PARD3: variants seen among roughly 807,000 people sequenced by gnomAD.
PARD3 encodes partitioning defective 3 homolog.
PARD3 carries 75 observed loss-of-function variants against 155.4 expected under a neutral mutation model. The ratio of observed to expected loss-of-function variants is 0.48; its 90% CI spans 0.40 to 0.58. PARD3 has a LOEUF of 0.58. Among genes scored for constraint, PARD3 ranks in the 20% least tolerant of loss-of-function variants. The pLI is 0.00. For missense variants in PARD3, 1,642 were observed against 1,721.7 expected (o/e 0.95, Z 0.82); for synonymous variants, 576 against 610.5 (o/e 0.94, Z 0.83).
chr10:34,705,201 CGCCTG>C (rs2094344754), intron 1 of PARD3, among the ~76,000 whole-genome samples: 1 of 152,182 alleles, frequency 6.6e-6, no homozygotes, highest in Non-Finnish European at 1.5e-5. Flanking sequence ...CAGTAGCTCA[CGCCTG>C]TAATCCCAGC....
intron 20 of PARD3, among the ~76,000 whole-genome samples, chr10:34,316,307 T>C (rs748908621): frequency 1.5e-4 from 23 of 152,196 alleles, no homozygotes; most frequent in Non-Finnish European, 2.9e-4. Flanking sequence ...TCATCTTAGA[T>C]GAACTTTTAT....
intron 2 of PARD3, among the ~76,000 whole-genome samples, chr10:34,656,599 G>A (rs1270175581): frequency 6.6e-6 from 1 of 152,148 alleles, no homozygotes; most frequent in Non-Finnish European, 1.5e-5. Context: ...TTTGCTTATT[G>A]TTATGCTTTT....
At chr10:34,161,573 T>C (rs1430878652) in intron 22 of PARD3, among the ~76,000 whole-genome samples, 1 of 152,136 alleles carries the variant, frequency 6.6e-6, no homozygotes, top group East Asian at 1.9e-4. Flanking sequence ...GAAGAACCTC[T>C]AACTTCATTA....
intron 15 of PARD3, among the ~76,000 whole-genome samples, chr10:34,347,316 A>G (rs1241352693): frequency 6.6e-6 from 1 of 152,256 alleles, no homozygotes; most frequent in East Asian, 1.9e-4. Context: ...TGGATCTGTT[A>G]GTAGAAAGCT....
At chr10:34,664,523 G>A (rs2093403443) in intron 2 of PARD3, among the ~76,000 whole-genome samples, 2 of 148,600 alleles carry the variant, frequency 1.3e-5, no homozygotes, top group African/African-American at 5.0e-5. Context: ...GTGTCTCCCT[G>A]TGTTGCCCGG....
At chr10:34,345,551 T>A (rs564419797) in intron 15 of PARD3, 2 of 985,308 alleles carry the variant, frequency 2.0e-6, no homozygotes, top group African/African-American at 3.5e-5. Context: ...CCAAACAGTC[T>A]GAGGAATATC....
chr10:34,200,286 C>A (rs1951150451), intron 22 of PARD3, among the ~76,000 whole-genome samples: 1 of 152,078 alleles, frequency 6.6e-6, no homozygotes, highest in East Asian at 1.9e-4. Flanking sequence ...TAGAGCAAGA[C>A]CCGAGACTGC....
At chr10:34,221,018 C>A (rs567733303) in intron 22 of PARD3, among the ~76,000 whole-genome samples, 1 of 152,290 alleles carries the variant, frequency 6.6e-6, no homozygotes, top group African/African-American at 2.4e-5. Context: ...GCAGTGCCAT[C>A]CCCAATATCT....
At chr10:34,724,096 G>C (rs1192490583) in intron 1 of PARD3, among the ~76,000 whole-genome samples, 1 of 152,216 alleles carries the variant, frequency 6.6e-6, no homozygotes, top group African/African-American at 2.4e-5. Context: ...ACTTCGTATG[G>C]AGCACAGGGA....
At chr10:34,402,679 T>C (rs979203676) in intron 5 of PARD3, among the ~76,000 whole-genome samples, 2 of 152,172 alleles carry the variant, frequency 1.3e-5, no homozygotes, top group African/African-American at 4.8e-5. Context: ...TTTGTACAAA[T>C]TGCTCCAATG....
rs55894819 is a variant in PARD3 at position 34,653,794 on chromosome 10, CAA to C, written c.222+42522_222+42523del. On this transcript the variant is annotated intron_variant, in intron 2 of 24. Transcript: ENST00000374788. ...GGGCAACATAGCAAGACCTCGACTC[CAA>C]AAAAAAAAAAAAAAAATGTATATGA... 7.3e-3 allele frequency among the ~76,000 whole-genome samples: 956 copies of C among 130,222 alleles called. 7 individuals are homozygous for C. The highest frequency in any genetic ancestry group is 0.011 in the Admixed American group (141 of 12,874). 85.4% of individuals were successfully genotyped at this position (130,222 alleles called of 152,430 possible).
At chr10:34,118,652 C>A (rs1417119112) in intron 24 of PARD3, among the ~76,000 whole-genome samples, 1 of 152,142 alleles carries the variant, frequency 6.6e-6, no homozygotes, top group Non-Finnish European at 1.5e-5. Context: ...GGCCAGGACT[C>A]ATCTTTATTA....
At chr10:34,129,625 C>T (rs1241001554) in intron 23 of PARD3, among the ~76,000 whole-genome samples, 2 of 151,328 alleles carry the variant, frequency 1.3e-5, no homozygotes, top group Non-Finnish European at 2.9e-5. Context: ...TTCCCTTCAA[C>T]ATAACCAACC....
intron 4 of PARD3, among the ~76,000 whole-genome samples, chr10:34,462,301 C>T (rs1009031458): frequency 6.6e-6 from 1 of 152,146 alleles, no homozygotes; most frequent in Non-Finnish European, 1.5e-5. Context: ...TGGATGGTTA[C>T]CATAATGCTG....
intron 2 of PARD3, among the ~76,000 whole-genome samples, chr10:34,662,871 G>GAAAAAAAAAAAAAAAAAAAAAA (rs568672135): frequency 2.4e-5 from 3 of 123,644 alleles, no homozygotes; most frequent in African/African-American, 9.1e-5. Flanking sequence ...AACTGTCTCA[G>GAAAAAAAAAAAAAAAAAAAAAA]AAAAAAAAAA....
At chr10:34,681,011 C>T (rs989554846) in intron 2 of PARD3, among the ~76,000 whole-genome samples, 1 of 151,310 alleles carries the variant, frequency 6.6e-6, no homozygotes, top group African/African-American at 2.4e-5. Context: ...GCTACATAAC[C>T]AAACAGCCTA....
chr10:34,390,555 T>G (rs915548535), intron 7 of PARD3, among the ~76,000 whole-genome samples: 1 of 152,052 alleles, frequency 6.6e-6, no homozygotes, highest in African/African-American at 2.4e-5. Context: ...ATGTAAGGAG[T>G]AGGGCTAAGT....
chr10:34,600,668 T>G (rs1327934463), intron 2 of PARD3, among the ~76,000 whole-genome samples: 1 of 152,206 alleles, frequency 6.6e-6, no homozygotes, highest in African/African-American at 2.4e-5. Flanking sequence ...AGTCTTGTTT[T>G]TATGATCACC....
intron 3 of PARD3, among the ~76,000 whole-genome samples, chr10:34,499,532 G>A (rs2080533900): frequency 6.6e-6 from 1 of 151,142 alleles, no homozygotes; most frequent in Non-Finnish European, 1.5e-5. Flanking sequence ...AAAATAGTGT[G>A]AAATATTTCC....
Sources: allele counts gnomAD v4.1 joint callset (sites outside exome capture counted in the v4.1 genomes callset), GRCh38; gene constraint gnomAD v4.1.1; transcripts MANE v1.5; gene names NCBI Gene and HGNC (gene_info 2026-07-23, HGNC 2026-07-21).